Variants in PTPRN2 observed in about 807,000 individuals in gnomAD.
PTPRN2 encodes the protein protein tyrosine phosphatase receptor type N2.
Under a neutral mutation model 118.8 loss-of-function variants are expected in PTPRN2, and 74 were observed. The ratio of observed to expected loss-of-function variants is 0.62; its 90% CI spans 0.52 to 0.76. The LOEUF is 0.76. PTPRN2 is among the 30% of genes least tolerant of loss of function. PTPRN2 has a pLI of 0.00. For synonymous variants in PTPRN2, 641 were observed against 608.0 expected (o/e 1.05, Z -0.80); for missense variants, 1,481 against 1,394.4 (o/e 1.06, Z -0.99).
At chr7:158,430,525 T>G (rs1484742413) in intron 2 of PTPRN2, among the ~76,000 whole-genome samples, 2 of 152,346 alleles carry the variant, frequency 1.3e-5, no homozygotes, top group Non-Finnish European at 2.9e-5. Flanking sequence ...ACCCCCTCCC[T>G]GTGGATTCCC....
chr7:158,084,124 C>T (rs1482700433), intron 10 of PTPRN2, among the ~76,000 whole-genome samples: 1 of 152,190 alleles, frequency 6.6e-6, no homozygotes, highest in African/African-American at 2.4e-5. Context: ...TTTCAATAAA[C>T]TCTGGTGGCC....
At chr7:157,936,624 G>A (rs377673673) in intron 11 of PTPRN2, among the ~76,000 whole-genome samples, 2,366 of 117,062 alleles carry the variant, frequency 0.02, 5 homozygotes, top group Middle Eastern at 0.027. Flanking sequence ...GGAAGCCAGG[G>A]TGGGGTTCTA....
chr7:157,634,297 A>G (rs1193594657), intron 14 of PTPRN2, among the ~76,000 whole-genome samples: 3 of 152,172 alleles, frequency 2.0e-5, no homozygotes, highest in Non-Finnish European at 4.4e-5. Context: ...CTGGATAAAA[A>G]CCTGAAAAAT....
At chr7:158,333,452 T>A (rs62480901) in intron 2 of PTPRN2, among the ~76,000 whole-genome samples, 3,857 of 46,502 alleles carry the variant, frequency 0.083, 576 homozygotes, top group African/African-American at 0.23. Context: ...TGCAGACGTC[T>A]CTCACACCCA....
At chr7:157,683,825 C>T (rs1797029949) in intron 12 of PTPRN2, among the ~76,000 whole-genome samples, 1 of 152,100 alleles carries the variant, frequency 6.6e-6, no homozygotes, top group African/African-American at 2.4e-5. Flanking sequence ...ATGGGAAGGC[C>T]GCCCCGCAGA....
chr7:158,394,539 C>T (rs1342948097), intron 2 of PTPRN2, among the ~76,000 whole-genome samples: 1 of 152,180 alleles, frequency 6.6e-6, no homozygotes. Flanking sequence ...ATGGAGCAGC[C>T]CTGGTTCCCT....
chr7:158,084,189 C>T (rs1266945649), intron 10 of PTPRN2, among the ~76,000 whole-genome samples: 1 of 152,212 alleles, frequency 6.6e-6, no homozygotes, highest in East Asian at 1.9e-4. Flanking sequence ...CAGAGCTGAG[C>T]TGCTGGCTCT....
chr7:158,384,190 A>C (rs1811164325), intron 2 of PTPRN2, among the ~76,000 whole-genome samples: 3 of 152,176 alleles, frequency 2.0e-5, no homozygotes, highest in Admixed American at 2.0e-4. Flanking sequence ...GCTGTCACCC[A>C]GGTGGCCACA....
intron 3 of PTPRN2, among the ~76,000 whole-genome samples, chr7:158,271,414 T>C (rs921690510): frequency 1.3e-5 from 2 of 152,232 alleles, no homozygotes; most frequent in Admixed American, 6.5e-5. Context: ...ACATAATTTA[T>C]AATGAAAAGC....
Position 157,576,686 on chromosome 7 carries a change from T to C in PTPRN2, c.2710A>G (p.Thr904Ala), listed in dbSNP as rs1311786359. 1 of 1,611,850 alleles carries C rather than the reference T, an allele frequency of 6.2e-7. No homozygotes were observed. The highest frequency in any genetic ancestry group is 1.1e-5 in the South Asian group (1 of 90,536). ...TACCAACTCAGGAAGTGGAACTGCG[T>C]CACGGTGCGCGTCTCGTTGGTCTGC... ...NLQTNETRTV[T>A]QFHFLSWYDR... Residue 904 changes from threonine to alanine, a missense_variant, in exon 19 of 23, where the codon ACG becomes GCG. Coordinates refer to ENST00000389418, the MANE Select transcript of PTPRN2 (RefSeq NM_002847.5).
At chr7:157,972,902 T>G (rs2128819469) in intron 11 of PTPRN2, among the ~76,000 whole-genome samples, 1 of 140,348 alleles carries the variant, frequency 7.1e-6, no homozygotes, top group Admixed American at 7.2e-5. Context: ...CCAGAGTAAC[T>G]CCACACCGTG....
At chr7:158,163,496 G>A (rs1435820744) in intron 6 of PTPRN2, among the ~76,000 whole-genome samples, 1 of 145,966 alleles carries the variant, frequency 6.9e-6, no homozygotes, top group African/African-American at 2.6e-5. Context: ...ACCTGTACGG[G>A]GTTCTCAATT....
At chr7:157,672,464 C>G (rs1796464328) in intron 13 of PTPRN2, among the ~76,000 whole-genome samples, 1 of 151,964 alleles carries the variant, frequency 6.6e-6, no homozygotes, top group African/African-American at 2.4e-5. Flanking sequence ...CAAAAAAAAT[C>G]TGCATTGTAT....
chr7:157,656,208 G>A (rs1281019500), intron 14 of PTPRN2, 149 bp downstream of exon 14: 2 of 735,846 alleles, frequency 2.7e-6, no homozygotes, highest in Non-Finnish European at 4.3e-6. Context: ...TGCAGAAAGA[G>A]CCCTGCCTGT....
chr7:157,592,713 A>G lies in PTPRN2; in HGVS notation c.2496+2525T>C, dbSNP rs577206469. On this transcript the variant is annotated intron_variant, in intron 17 of 22. Coordinates refer to ENST00000389418, the MANE Select transcript of PTPRN2 (RefSeq NM_002847.5). ...GTGGGCATCATCGTGGTCGTTGAGC[A>G]TGGATGCCGAGAGGCTTCACACATG... is the stretch of plus-strand genomic sequence containing the variant. Among the ~76,000 whole-genome samples, 744 of 90,714 alleles carry G rather than the reference A, an allele frequency of 8.2e-3. 1 individual carries two copies. The highest frequency in any genetic ancestry group is 0.021 in the African/African-American group (507 of 23,718). 59.5% of individuals were successfully genotyped at this position (90,714 alleles called of 152,430 possible). A position where few individuals can be genotyped will look rare whatever the true frequency, so the allele number is the denominator to read the frequency against.
At chr7:157,799,802 C>CCT (rs1805118997) in intron 12 of PTPRN2, among the ~76,000 whole-genome samples, 3 of 108,320 alleles carry the variant, frequency 2.8e-5, no homozygotes, top group Admixed American at 8.6e-5. Flanking sequence ...ATCGGCCTAC[C>CCT]CCGTCCCTCA....
chr7:157,935,296 T>C (rs1449936249), intron 11 of PTPRN2, among the ~76,000 whole-genome samples: 3 of 152,188 alleles, frequency 2.0e-5, no homozygotes, highest in Non-Finnish European at 4.4e-5. Flanking sequence ...CTTGACTTTG[T>C]CCTAGAGGCC....
In PTPRN2 at chr7:157,596,642, C is replaced by T. The variant is rs925442488; in HGVS notation, c.2419-1327G>A. 2.0e-5 allele frequency among the ~76,000 whole-genome samples: 3 copies of T among 152,140 alleles called. No individual in the cohort carries two copies. The highest frequency in any genetic ancestry group is 4.4e-5 in the Non-Finnish European group (3 of 68,026). ...GATACCAGGACATCACTATCATCCC[C>T]AGGGCTCACCAGCTCCTCCCCACAC... On this transcript the variant is annotated intron_variant, in intron 16 of 22. Transcript: ENST00000389418. This position sits in a 1 kb window ranked among gnomAD's most constrained non-coding sequence, Gnocchi z 4.2.
intron 12 of PTPRN2, among the ~76,000 whole-genome samples, chr7:157,856,604 C>T (rs1263220131): frequency 1.3e-5 from 2 of 152,228 alleles, no homozygotes; most frequent in African/African-American, 4.8e-5. Flanking sequence ...AAGGTTAACT[C>T]ACAGTAGTGC....
Sources: gnomAD v4.1 joint callset for allele counts (sites outside exome capture counted in the v4.1 genomes callset) on GRCh38, gnomAD v4.1.1 for gene constraint, Gnocchi (gnomAD v3.1) non-coding constraint, MANE v1.5 for transcripts, NCBI Gene and HGNC (gene_info 2026-07-23, HGNC 2026-07-21) for gene names.